The following TMX1 variants were observed in gnomAD, a reference collection of about 807,000 sequenced individuals.
TMX1 encodes thioredoxin related transmembrane protein 1.
A neutral mutation model predicts 36.6 loss-of-function variants in TMX1; 25 were observed. That is an observed-to-expected ratio of 0.68 (90% CI 0.50 to 0.95). The LOEUF is 0.95. Among genes scored for constraint, TMX1 ranks in the 40% least tolerant of loss-of-function variants. The pLI, the probability that TMX1 is intolerant of heterozygous loss-of-function variation, is 0.00. For synonymous variants in TMX1, 133 were observed against 118.0 expected (o/e 1.13, Z -0.82); for missense variants, 347 against 339.6 (o/e 1.02, Z -0.17).
At chr14:51,241,147 G>T (rs1257747683) in intron 1 of TMX1, among the ~76,000 whole-genome samples, 2 of 152,124 alleles carry the variant, frequency 1.3e-5, no homozygotes, top group Non-Finnish European at 2.9e-5. Flanking sequence ...TACATTAAAA[G>T]ATAATGTATT....
In TMX1 at chr14:51,254,594, G is replaced by T; in HGVS notation, c.*75G>T. ...TTGATCATTTTGTTTGGTTTGAAGTGAACTGTGACTTTTTTGAATATTGCA... is the reference window on the plus strand; with the variant it reads ...TTGATCATTTTGTTTGGTTTGAAGTTAACTGTGACTTTTTTGAATATTGCA... On this transcript the variant is annotated 3_prime_UTR_variant, in exon 8 of 8. Transcript: ENST00000457354. 1.5e-6 allele frequency: 2 copies of T among 1,365,732 alleles called. No individual in the cohort carries two copies. Among genetic ancestry groups the T allele is most frequent in the Non-Finnish European group, 2.0e-6 (2 of 1,002,526 alleles). The allele number at this position is 1,365,732 out of a possible 1,614,324, so 84.6% of individuals were successfully genotyped here.
chr14:51,248,842 C>T (rs1020557835), intron 4 of TMX1, among the ~76,000 whole-genome samples: 2 of 152,222 alleles, frequency 1.3e-5, no homozygotes, highest in Non-Finnish European at 1.5e-5. Flanking sequence ...AGATGTCAAA[C>T]TAATGCTCTT....
In TMX1 at chr14:51,254,526, T is replaced by A; in HGVS notation, c.*7T>A. The stretch of plus-strand genomic sequence containing the variant: ...GGCCACAGATAAATCCTAGTTAAAT[T>A]TTATAGTTATCTTAATATTATGATT... On this transcript the variant is annotated 3_prime_UTR_variant, in exon 8 of 8. Transcript: ENST00000457354. The A allele has an allele frequency of 6.3e-7, 1 of 1,578,250 alleles. No individual in the cohort carries two copies. Among genetic ancestry groups the A allele is most frequent in the Non-Finnish European group, 8.6e-7 (1 of 1,169,304 alleles).
In TMX1 at chr14:51,247,268, C is replaced by T. The variant is rs201395832; in HGVS notation, c.443+48C>T. On this transcript the variant is annotated intron_variant, in intron 4 of 7. Coordinates refer to ENST00000457354, the MANE Select transcript of TMX1 (RefSeq NM_030755.5). ...TTACCCATTTCATAATTAATTGGAA[C>T]AGATAATTATATTTTATGTAAAGCA... The T allele has an allele frequency of 7.4e-5, 114 of 1,549,592 alleles. 1 individual carries two copies. In the South Asian group the frequency reaches 1.3e-3, roughly 18 times the overall value.
At position 51,245,689 on chromosome 14, in the gene TMX1, T is replaced by G. The variant is rs1199616645; in HGVS notation, c.314+331T>G. ...TAATTGGATAAAGGAGAAATCACAG[T>G]TACCTGGATTGGTTCCCAGAGAATA... On this transcript the variant is annotated intron_variant, in intron 3 of 7. Coordinates refer to ENST00000457354, the MANE Select transcript of TMX1 (RefSeq NM_030755.5). The G allele has an allele frequency of 2.4e-5, 9 of 374,130 alleles. No individual in the cohort carries two copies. In the East Asian group the frequency reaches 5.7e-4, roughly 24 times the overall value. 23.2% of individuals were successfully genotyped at this position (374,130 alleles called of 1,614,324 possible). A position where few individuals can be genotyped will look rare whatever the true frequency, so the allele number is the denominator to read the frequency against.
intron 7 of TMX1, among the ~76,000 whole-genome samples, chr14:51,253,564 A>G (rs1318177378): frequency 6.6e-6 from 1 of 152,198 alleles, no homozygotes; most frequent in Non-Finnish European, 1.5e-5. Flanking sequence ...GTCTGAGATC[A>G]TTGAACAGAG....
At position 51,256,728 on chromosome 14, in the gene TMX1, A is replaced by G. The variant is rs919835954; in HGVS notation, c.*2209A>G. On this transcript the variant is annotated 3_prime_UTR_variant, in exon 8 of 8. Transcript: ENST00000457354. ...TACATCTAACAGCTGCCATTTACCAAGTACCTACTGGAGCTTTGTTGTTTT... is the reference window on the plus strand; with the variant it reads ...TACATCTAACAGCTGCCATTTACCAGGTACCTACTGGAGCTTTGTTGTTTT... The G allele has an allele frequency of 2.0e-4, 30 of 152,224 alleles. No homozygotes were observed. Among genetic ancestry groups the G allele is most frequent in the Admixed American group, 2.0e-3 (30 of 15,286 alleles). 9.4% of individuals were successfully genotyped at this position (152,224 alleles called of 1,614,324 possible). A position where few individuals can be genotyped will look rare whatever the true frequency, so the allele number is the denominator to read the frequency against.
rs774708063 is a variant in TMX1 at position 51,249,673 on chromosome 14, T to TA, written c.592-19dup. ...GCATATATTCTACATTCAGATTTCT[T>TA]ACAATGTTTATTTTTACAGTGTATG... is the stretch of plus-strand genomic sequence containing the variant. On this transcript the variant is annotated intron_variant, in intron 6 of 7. Coordinates refer to ENST00000457354, the MANE Select transcript of TMX1 (RefSeq NM_030755.5). 6.2e-7 allele frequency: 1 copy of TA among 1,608,810 alleles called. No individual in the cohort carries two copies. The highest frequency in any genetic ancestry group is 1.3e-5 in the African/African-American group (1 of 74,612).
At chr14:51,247,351 G>GTT in intron 4 of TMX1, 131 bp downstream of exon 4, 47 of 476,216 alleles carry the variant, frequency 9.9e-5, no homozygotes, top group Non-Finnish European at 1.1e-4. Flanking sequence ...TTACATGTTT[G>GTT]ATTTTTTTTT....
In TMX1 at chr14:51,255,870, T is replaced by C. The variant is rs1037388048; in HGVS notation, c.*1351T>C. ...CTGTAATGTCCCCTTCTTTCTAGGC[T>C]CTGTTGCTGTGTGAATCCATTAGAT... On this transcript the variant is annotated 3_prime_UTR_variant, in exon 8 of 8. Transcript: ENST00000457354. 6.6e-6 allele frequency: 1 copy of C among 152,468 alleles called. No individual in the cohort carries two copies. Among genetic ancestry groups the C allele is most frequent in the African/African-American group, 2.4e-5 (1 of 41,458 alleles). 9.4% of individuals were successfully genotyped at this position (152,468 alleles called of 1,614,324 possible).
In TMX1 at chr14:51,256,670, A is replaced by G. The variant is rs967461115; in HGVS notation, c.*2151A>G. On this transcript the variant is annotated 3_prime_UTR_variant, in exon 8 of 8. Transcript: ENST00000457354. ...TGTAAATACTTAATGATTATCAGAAAGACTGAAAAAAGTTTTAATGAAGAA... is the reference window on the plus strand; with the variant it reads ...TGTAAATACTTAATGATTATCAGAAGGACTGAAAAAAGTTTTAATGAAGAA... 1.2e-4 allele frequency: 18 copies of G among 152,234 alleles called. No individual in the cohort carries two copies. Among genetic ancestry groups the G allele is most frequent in the East Asian group, 1.9e-4 (1 of 5,208 alleles). 9.4% of individuals were successfully genotyped at this position (152,234 alleles called of 1,614,324 possible).
intron 6 of TMX1, 43 bp from the exon 7 acceptor site, chr14:51,249,650 A>G (rs2139856188): frequency 1.9e-6 from 3 of 1,597,792 alleles, no homozygotes; most frequent in East Asian, 2.2e-5. Flanking sequence ...TAGCTGTGGC[A>G]TATATTCTAC....
Position 51,245,376 on chromosome 14 carries a change from C to G in TMX1, c.314+18C>G. 6.2e-7 allele frequency: 1 copy of G among 1,613,186 alleles called. No individual in the cohort carries two copies. Among genetic ancestry groups the G allele is most frequent in the Non-Finnish European group, 8.5e-7 (1 of 1,179,534 alleles). On this transcript the variant is annotated intron_variant, in intron 3 of 7. Transcript: ENST00000457354. ...ATTTATCAGTAAGTATTTGAAGATT[C>G]TAAATTATGGAGAAGGATGCATTAT...
intron 4 of TMX1, among the ~76,000 whole-genome samples, chr14:51,247,538 T>C (rs2139854447): frequency 6.6e-6 from 1 of 152,156 alleles, no homozygotes; most frequent in African/African-American, 2.4e-5. Flanking sequence ...TTTGTATTTT[T>C]AGTAGAGACG....
At chr14:51,253,414 G>T (rs2065823899) in intron 7 of TMX1, among the ~76,000 whole-genome samples, 1 of 152,228 alleles carries the variant, frequency 6.6e-6, no homozygotes. Flanking sequence ...AATAAAGATG[G>T]ATGCCAGGCA....
At chr14:51,245,225 TTAG>T (rs2139852585) in intron 2 of TMX1, 85 bp from the exon 3 acceptor site, 2 of 1,399,470 alleles carry the variant, frequency 1.4e-6, no homozygotes, top group East Asian at 4.7e-5. Flanking sequence ...TTCTTTCCTA[TTAG>T]TATGTATTTA....
At position 51,254,443 on chromosome 14, in the gene TMX1, G is replaced by A. The variant is rs2065829238; in HGVS notation, c.767G>A (p.Gly256Glu). 6.2e-7 allele frequency: 1 copy of A among 1,612,066 alleles called. No individual in the cohort carries two copies. Among genetic ancestry groups the A allele is most frequent in the Non-Finnish European group, 8.5e-7 (1 of 1,179,230 alleles). Reference sequence around the variant, plus strand: ...GAAGAAGAAGCTGAAAGTAAAGAAGGAACAAACAAAGACTTTCCACAGAAT... The same window carrying A: ...GAAGAAGAAGCTGAAAGTAAAGAAGAAACAAACAAAGACTTTCCACAGAAT... ...VSEEEAESKE[G>E]TNKDFPQNAI... is the part of the protein sequence containing the mutation. Residue 256 changes from glycine (G) to glutamate (E), a missense_variant, in exon 8 of 8, where the codon GGA becomes GAA. Coordinates refer to ENST00000457354, the MANE Select transcript of TMX1 (RefSeq NM_030755.5).
rs141081271 is a variant in TMX1, at chr14:51,248,539, T to C, written c.444-787T>C. On this transcript the variant is annotated intron_variant, in intron 4 of 7. Transcript: ENST00000457354. ...TTCCTTGTTTCTCTTCTCACTTGGC[T>C]TTTAAACAACAGAAGCAACATGATT... Among the ~76,000 whole-genome samples, 1,278 of 152,334 alleles carry C rather than the reference T, an allele frequency of 8.4e-3. 20 individuals are homozygous for C. Among genetic ancestry groups the C allele is most frequent in the African/African-American group, 0.029 (1,214 of 41,572 alleles).
At position 51,254,599 on chromosome 14, in the gene TMX1, G is replaced by C; in HGVS notation, c.*80G>C. 1.5e-6 allele frequency: 2 copies of C among 1,349,034 alleles called. No individual in the cohort carries two copies. The highest frequency in any genetic ancestry group is 5.1e-5 in the East Asian group (2 of 39,296). The allele number at this position is 1,349,034 out of a possible 1,614,324, so 83.6% of individuals were successfully genotyped here. A position where few individuals can be genotyped will look rare whatever the true frequency, so the allele number is the denominator to read the frequency against. The stretch of plus-strand genomic sequence containing the variant: ...CATTTTGTTTGGTTTGAAGTGAACT[G>C]TGACTTTTTTGAATATTGCAGGGTT... On this transcript the variant is annotated 3_prime_UTR_variant, in exon 8 of 8. Coordinates refer to ENST00000457354, the MANE Select transcript of TMX1 (RefSeq NM_030755.5).
Sources: gnomAD v4.1 joint callset for allele counts (sites outside exome capture counted in the v4.1 genomes callset) on GRCh38, gnomAD v4.1.1 for gene constraint, MANE v1.5 for transcripts, NCBI Gene and HGNC (gene_info 2026-07-23, HGNC 2026-07-21) for gene names.